Variants in CDH10 observed in about 807,000 individuals in gnomAD.
CDH10 encodes the protein cadherin-10.
CDH10 carries 30 observed loss-of-function variants against 73.1 expected under a neutral mutation model. The ratio of observed to expected loss-of-function variants is 0.41; its 90% CI spans 0.31 to 0.56. The LOEUF (loss-of-function observed/expected upper bound fraction) is 0.56, where lower values mean the gene tolerates loss of function less well. Among genes scored for constraint, CDH10 ranks in the 20% least tolerant of loss-of-function variants. The pLI, the probability that CDH10 is intolerant of heterozygous loss-of-function variation, is 0.27. For missense variants in CDH10, 815 were observed against 973.7 expected, an observed-to-expected ratio of 0.84 and a Z score of 2.17; for synonymous variants, 345 against 348.2, an observed-to-expected ratio of 0.99 and a Z score of 0.10.
Position 24,513,254 on chromosome 5 carries a change from G to A in CDH10, c.815-1740C>T, listed in dbSNP as rs537369678. 7.9e-5 allele frequency among the ~76,000 whole-genome samples: 12 copies of A among 151,936 alleles called. No homozygotes were observed. In the South Asian group the frequency reaches 2.1e-3, roughly 26 times the overall value. ...GGCTGGTCTCGAACTCCTGACCTCC[G>A]GCGATCCTCTCACCTCAACCTCCCA... On this transcript the variant is annotated intron_variant, in intron 5 of 11. Coordinates refer to ENST00000264463, the MANE Select transcript of CDH10 (RefSeq NM_006727.5).
intron 2 of CDH10, among the ~76,000 whole-genome samples, chr5:24,562,714 T>A (rs537888734): frequency 6.6e-6 from 1 of 152,248 alleles, no homozygotes; most frequent in South Asian, 2.1e-4. Context: ...ACATCTATTC[T>A]CACTCCTTCC....
In CDH10 at chr5:24,582,657, A is replaced by G. The variant is rs1262876130; in HGVS notation, c.231+10603T>C. Among the ~76,000 whole-genome samples, 3 of 152,318 alleles carry G rather than the reference A, an allele frequency of 2.0e-5. No individual in the cohort carries two copies. The East Asian group carries it at 5.8e-4, about 29-fold the overall frequency. On this transcript the variant is annotated intron_variant, in intron 2 of 11. Coordinates refer to ENST00000264463, the MANE Select transcript of CDH10 (RefSeq NM_006727.5). ...AAAAATTTTTAAAACATAAAGGTCAATTAATAAAGACAGACTGTGGATCAA... is the reference window on the plus strand; with the variant it reads ...AAAAATTTTTAAAACATAAAGGTCAGTTAATAAAGACAGACTGTGGATCAA...
At chr5:24,492,084 T>C (rs982488662) in intron 10 of CDH10, among the ~76,000 whole-genome samples, 11 of 152,198 alleles carry the variant, frequency 7.2e-5, no homozygotes, top group African/African-American at 2.2e-4. Flanking sequence ...TACATTTTTA[T>C]AAGTGAATCA....
At chr5:24,620,059 T>C (rs1244974066) in intron 1 of CDH10, among the ~76,000 whole-genome samples, 1 of 152,228 alleles carries the variant, frequency 6.6e-6, no homozygotes, top group Admixed American at 6.5e-5. Flanking sequence ...ATGATATATA[T>C]TTACACACAT....
At chr5:24,569,241 T>C (rs1191165469) in intron 2 of CDH10, among the ~76,000 whole-genome samples, 2 of 152,088 alleles carry the variant, frequency 1.3e-5, no homozygotes, top group South Asian at 2.1e-4. Flanking sequence ...GTGGTTACTA[T>C]GGGTGAGGGA....
At position 24,586,897 on chromosome 5, in the gene CDH10, T is replaced by G. The variant is rs1425680731; in HGVS notation, c.231+6363A>C. ...TCTCGCTCTGTCGCCCAGGCTGGAG[T>G]GCAGTGGCGCGATCTCTGCTCACTG... On this transcript the variant is annotated intron_variant, in intron 2 of 11. Coordinates refer to ENST00000264463, the MANE Select transcript of CDH10 (RefSeq NM_006727.5). Among the ~76,000 whole-genome samples the G allele has an allele frequency of 1.8e-4, 25 of 135,488 alleles. 1 individual carries two copies. Among genetic ancestry groups the G allele is most frequent in the Non-Finnish European group, 2.8e-4 (18 of 65,452 alleles). 88.9% of individuals were successfully genotyped at this position (135,488 alleles called of 152,430 possible). A position where few individuals can be genotyped will look rare whatever the true frequency, so the allele number is the denominator to read the frequency against.
In CDH10 at chr5:24,558,030, T is replaced by C. The variant is rs189017685; in HGVS notation, c.232-20356A>G. Among the ~76,000 whole-genome samples the C allele has an allele frequency of 2.6e-4, 40 of 151,848 alleles. 1 individual carries two copies. The East Asian group carries it at 7.1e-3, about 27-fold the overall frequency. ...GAAAATAAAATAATTTTTTGACTAT[T>C]AGAATTCCAAGTGATATTAAGTAAA... On this transcript the variant is annotated intron_variant, in intron 2 of 11. Transcript: ENST00000264463.
chr5:24,639,231 T>C (rs962704862), intron 1 of CDH10, among the ~76,000 whole-genome samples: 6 of 151,694 alleles, frequency 4.0e-5, no homozygotes, highest in Non-Finnish European at 7.4e-5. Flanking sequence ...AAATATTCCT[T>C]AATTCAGAAG....
chr5:24,520,724 T>TTTTTTGTTGTTG (rs1168922196), intron 5 of CDH10, among the ~76,000 whole-genome samples: 4 of 150,370 alleles, frequency 2.7e-5, no homozygotes, highest in African/African-American at 1.0e-4. Flanking sequence ...CACAAATCAC[T>TTTTTTGTTGTTG]TTTTTTTTGT....
intron 2 of CDH10, among the ~76,000 whole-genome samples, chr5:24,586,739 C>T (rs1051095031): frequency 1.3e-5 from 2 of 151,448 alleles, no homozygotes; most frequent in African/African-American, 4.9e-5. Flanking sequence ...GTCATTGCAT[C>T]CAGTCTATGT....
chr5:24,583,808 C>A (rs1338636524), intron 2 of CDH10, among the ~76,000 whole-genome samples: 1 of 152,140 alleles, frequency 6.6e-6, no homozygotes, highest in African/African-American at 2.4e-5. Flanking sequence ...CCAAGCCCAG[C>A]TAATTTTTGT....
chr5:24,597,455 G>A (rs533956879), intron 1 of CDH10, among the ~76,000 whole-genome samples: 5 of 152,126 alleles, frequency 3.3e-5, no homozygotes, highest in Admixed American at 1.3e-4. Flanking sequence ...ACAATGAGGG[G>A]AATATAAGCT....
chr5:24,537,408 T>C lies in CDH10; in HGVS notation c.498A>G (p.Thr166=), dbSNP rs751119506. ...CAACAGACATTTCGGGAACACTAGC[T>C]GTATAGATTTCTTCTGGGAACGTTG... ...NEPTFPEEIY[T]ASVPEMSVVG... Residue 166 remains threonine, a synonymous_variant, in exon 3 of 12, where the codon ACA becomes ACG. Coordinates refer to ENST00000264463, the MANE Select transcript of CDH10 (RefSeq NM_006727.5). 5.6e-6 allele frequency: 9 copies of C among 1,612,238 alleles called. No individual in the cohort carries two copies. The highest frequency in any genetic ancestry group is 7.6e-6 in the Non-Finnish European group (9 of 1,178,770).
chr5:24,517,780 C>T (rs532546816), intron 5 of CDH10, among the ~76,000 whole-genome samples: 18 of 152,140 alleles, frequency 1.2e-4, no homozygotes, highest in African/African-American at 4.3e-4. Flanking sequence ...TTTCCATTTT[C>T]ACAACATTTA....
intron 2 of CDH10, among the ~76,000 whole-genome samples, chr5:24,548,839 TA>T (rs33918339): frequency 0.01 from 1,538 of 152,120 alleles, 32 homozygotes; most frequent in African/African-American, 0.035. Flanking sequence ...AAAGCACAAT[TA>T]GGGGATTAAT....
At chr5:24,507,508 T>C (rs1013485191) in intron 7 of CDH10, among the ~76,000 whole-genome samples, 3 of 151,946 alleles carry the variant, frequency 2.0e-5, no homozygotes, top group African/African-American at 7.2e-5. Context: ...TTTTGACATA[T>C]AATAATTATA....
chr5:24,546,034 T>C lies in CDH10; in HGVS notation c.232-8360A>G, dbSNP rs139964952. Among the ~76,000 whole-genome samples the C allele has an allele frequency of 4.0e-3, 615 of 152,202 alleles. 2 individuals carry two copies. Among genetic ancestry groups the C allele is most frequent in the Non-Finnish European group, 7.3e-3 (498 of 68,002 alleles). On this transcript the variant is annotated intron_variant, in intron 2 of 11. Coordinates refer to ENST00000264463, the MANE Select transcript of CDH10 (RefSeq NM_006727.5). Reference sequence around the variant, plus strand: ...GACTGGATTCCTGAAGGAGAAGGACTAGGCAGCAGACTACGGTCTCGAGGG... The same window carrying C: ...GACTGGATTCCTGAAGGAGAAGGACCAGGCAGCAGACTACGGTCTCGAGGG...
At chr5:24,512,684 G>A (rs2111774503) in intron 5 of CDH10, among the ~76,000 whole-genome samples, 1 of 152,258 alleles carries the variant, frequency 6.6e-6, no homozygotes, top group South Asian at 2.1e-4. Context: ...CTTCCAGCAT[G>A]AACAACCTCT....
At chr5:24,548,469 C>CCAGTCCCAGT (rs1744423319) in intron 2 of CDH10, among the ~76,000 whole-genome samples, 1 of 143,824 alleles carries the variant, frequency 7.0e-6, no homozygotes, top group Non-Finnish European at 1.5e-5. Context: ...GATAGAATTC[C>CCAGTCCCAGT]CAGTCCTCCT....
Sources: gnomAD v4.1 joint callset for allele counts (sites outside exome capture counted in the v4.1 genomes callset) on GRCh38, gnomAD v4.1.1 for gene constraint, MANE v1.5 for transcripts, NCBI Gene and HGNC (gene_info 2026-07-23, HGNC 2026-07-21) for gene names.